Variants in SFSWAP observed in about 807,000 individuals in gnomAD.
SFSWAP encodes the protein splicing factor, suppressor of white-apricot homolog.
A neutral mutation model predicts 100.7 loss-of-function variants in SFSWAP; 17 were observed. That is an observed-to-expected ratio of 0.17 (90% CI 0.12 to 0.25). The LOEUF is 0.25. Among genes scored for constraint, SFSWAP ranks in the 10% least tolerant of loss-of-function variants. SFSWAP has a pLI of 1.00. For synonymous variants in SFSWAP, 504 were observed against 510.1 expected, an observed-to-expected ratio of 0.99 and a Z score of 0.16; for missense variants, 1,005 against 1,262.6, an observed-to-expected ratio of 0.80 and a Z score of 3.09.
intron 7 of SFSWAP, among the ~76,000 whole-genome samples, chr12:131,747,035 C>A (rs918454709): frequency 6.7e-6 from 1 of 148,326 alleles, no homozygotes; most frequent in East Asian, 2.0e-4. Flanking sequence ...ACCCGGGAGG[C>A]AGAGCTTGCA....
Position 131,754,552 on chromosome 12 carries a change from A to C in SFSWAP, c.1454+53A>C. ...TATATGGCATTTGGGGGTTTCGTTT[A>C]GCCTTTTTTTAAAAAAATGTAGGTA... On this transcript the variant is annotated intron_variant, in intron 9 of 17. Transcript: ENST00000261674. 3 of 1,275,836 alleles carry C rather than the reference A, an allele frequency of 2.4e-6. No individual in the cohort carries two copies. In the South Asian group the frequency reaches 6.3e-5, roughly 27 times the overall value. 79.0% of individuals were successfully genotyped at this position (1,275,836 alleles called of 1,614,324 possible).
At chr12:131,718,598 G>A (rs1180587599) in intron 3 of SFSWAP, among the ~76,000 whole-genome samples, 1 of 152,194 alleles carries the variant, frequency 6.6e-6, no homozygotes, top group Non-Finnish European at 1.5e-5. Context: ...TTGTGAAAGA[G>A]GTAGTTTGCT....
intron 7 of SFSWAP, among the ~76,000 whole-genome samples, chr12:131,746,434 G>A (rs1481290809): frequency 2.0e-5 from 3 of 152,202 alleles, no homozygotes; most frequent in Admixed American, 6.5e-5. Context: ...CATGTGGGTC[G>A]TTTGTTTGCA....
chr12:131,752,995 A>G (rs924143202), intron 7 of SFSWAP, 128 bp from the exon 8 acceptor site: 2 of 1,371,648 alleles, frequency 1.5e-6, no homozygotes, highest in Admixed American at 4.4e-5. Context: ...TCTAGAAAAC[A>G]GCATGGTTGG....
intron 11 of SFSWAP, among the ~76,000 whole-genome samples, chr12:131,758,716 G>A (rs944187254): frequency 3.3e-5 from 5 of 152,230 alleles, no homozygotes; most frequent in Non-Finnish European, 1.5e-5. Context: ...GGAGGCCAGG[G>A]CAGGCAGATC....
In SFSWAP at chr12:131,753,220, C is replaced by T; in HGVS notation, c.1179C>T (p.Tyr393=). 6.2e-7 allele frequency: 1 copy of T among 1,614,230 alleles called. No homozygotes were observed. The highest frequency in any genetic ancestry group is 8.5e-7 in the Non-Finnish European group (1 of 1,180,024). The change falls in exon 8 of 18, where the codon TAC becomes TAT. Residue 393 remains tyrosine, a synonymous_variant. Coordinates refer to ENST00000261674, the MANE Select transcript of SFSWAP (RefSeq NM_004592.4). Reference sequence around the variant, plus strand: ...CCGGAATCGACGTGACTACTTACTACAGCACCCTTCCTGCTGGCGTGACCG... The same window carrying T: ...CCGGAATCGACGTGACTACTTACTATAGCACCCTTCCTGCTGGCGTGACCG... ...PPPGIDVTTY[Y]STLPAGVTVS...
chr12:131,728,436 C>T lies in SFSWAP; in HGVS notation c.1081+8C>T, dbSNP rs1347174307. On this transcript the variant is annotated splice_region_variant and intron_variant, in intron 7 of 17. Transcript: ENST00000261674. ...TGGAGTACACGGCAGACTGTGAGTACTCACTGTGTATGTCCTGACCTGTGT... is the reference window on the plus strand; with the variant it reads ...TGGAGTACACGGCAGACTGTGAGTATTCACTGTGTATGTCCTGACCTGTGT... 4.3e-6 allele frequency: 7 copies of T among 1,613,900 alleles called. No individual in the cohort carries two copies. The highest frequency in any genetic ancestry group is 1.6e-4 in the Middle Eastern group (1 of 6,062).
At chr12:131,752,232 TAATTCGAAAA>T (rs1881728300) in intron 7 of SFSWAP, among the ~76,000 whole-genome samples, 1 of 152,254 alleles carries the variant, frequency 6.6e-6, no homozygotes, top group African/African-American at 2.4e-5. Context: ...TAAAAGTTCT[TAATTCGAAAA>T]ATATTTTTGC....
chr12:131,739,396 T>C (rs575133674), intron 7 of SFSWAP, among the ~76,000 whole-genome samples: 1 of 152,292 alleles, frequency 6.6e-6, no homozygotes, highest in South Asian at 2.1e-4. Context: ...TTGAATATGC[T>C]GATATAGAAA....
At chr12:131,724,361 A>G (rs923111106) in intron 4 of SFSWAP, among the ~76,000 whole-genome samples, 6 of 152,252 alleles carry the variant, frequency 3.9e-5, no homozygotes, top group Admixed American at 3.9e-4. Flanking sequence ...TGAAAATCCA[A>G]GTCGTGGACA....
At chr12:131,739,963 G>T (rs778124417) in intron 7 of SFSWAP, among the ~76,000 whole-genome samples, 2 of 152,126 alleles carry the variant, frequency 1.3e-5, no homozygotes, top group African/African-American at 4.8e-5. Context: ...AAACAAGTAC[G>T]TTTTTACAAG....
chr12:131,747,212 G>A (rs186450854), intron 7 of SFSWAP, among the ~76,000 whole-genome samples: 110 of 152,288 alleles, frequency 7.2e-4, no homozygotes, highest in African/African-American at 2.6e-3. Context: ...GAACACAGTG[G>A]ACAAACCTCC....
At chr12:131,756,832 G>A (rs1224127019) in intron 11 of SFSWAP, 188 bp downstream of exon 11, 1 of 585,280 alleles carries the variant, frequency 1.7e-6, no homozygotes. Flanking sequence ...GGCATTGGAG[G>A]TAACGTGAGT....
rs1159395974 is a variant in SFSWAP, at chr12:131,711,670, CG to C, written c.218+225del. 2 of 548,156 alleles carry C rather than the reference CG, an allele frequency of 3.6e-6. No homozygotes were observed. Among genetic ancestry groups the C allele is most frequent in the Admixed American group, 6.5e-5 (2 of 30,712 alleles). 34.0% of individuals were successfully genotyped at this position (548,156 alleles called of 1,614,324 possible). On this transcript the variant is annotated intron_variant, in intron 1 of 17. Coordinates refer to ENST00000261674, the MANE Select transcript of SFSWAP (RefSeq NM_004592.4). This position sits in a 1 kb window ranked among gnomAD's most constrained non-coding sequence, Gnocchi z 4.9. Reference sequence around the variant, plus strand: ...TGGAATTGCGTGCCGCGTCCGTCTCCGGAGGGATCGTCTCTGGTCCCGCAGC... The same window carrying C: ...TGGAATTGCGTGCCGCGTCCGTCTCCGAGGGATCGTCTCTGGTCCCGCAGC...
At chr12:131,779,042 G>A (rs1884248313) in intron 14 of SFSWAP, among the ~76,000 whole-genome samples, 1 of 150,784 alleles carries the variant, frequency 6.6e-6, no homozygotes, top group Admixed American at 6.6e-5. Context: ...CTTTAGCACT[G>A]GTTCTGGGTT....
At chr12:131,720,711 T>C (rs541619014) in intron 4 of SFSWAP, among the ~76,000 whole-genome samples, 1 of 152,338 alleles carries the variant, frequency 6.6e-6, no homozygotes, top group African/African-American at 2.4e-5. Context: ...GTTCTTACCC[T>C]TCATTAATCT....
At chr12:131,752,819 A>G (rs558021236) in intron 7 of SFSWAP, among the ~76,000 whole-genome samples, 6 of 152,344 alleles carry the variant, frequency 3.9e-5, no homozygotes, top group African/African-American at 1.4e-4. Flanking sequence ...CAACCTGCAC[A>G]TTTTGAAGTT....
chr12:131,753,407 C>T (rs772439088), intron 8 of SFSWAP, 44 bp downstream of exon 8: 1 of 1,571,120 alleles, frequency 6.4e-7, no homozygotes, highest in Admixed American at 1.8e-5. Flanking sequence ...AGTCACTCAG[C>T]ACTGCAGTCA....
chr12:131,774,222 A>G (rs769044536), intron 13 of SFSWAP, among the ~76,000 whole-genome samples: 1 of 152,184 alleles, frequency 6.6e-6, no homozygotes, highest in Non-Finnish European at 1.5e-5. Flanking sequence ...ATGGAGAGCA[A>G]CGCCGCAGTG....
Sources: gnomAD v4.1 joint callset for allele counts (sites outside exome capture counted in the v4.1 genomes callset) on GRCh38, gnomAD v4.1.1 for gene constraint, Gnocchi (gnomAD v3.1) non-coding constraint, MANE v1.5 for transcripts, NCBI Gene and HGNC (gene_info 2026-07-23, HGNC 2026-07-21) for gene names.